The following PPFIA2 variants were observed in gnomAD, a reference collection of about 807,000 sequenced individuals.
PPFIA2 encodes liprin-alpha-2.
Under a neutral mutation model 175.5 loss-of-function variants are expected in PPFIA2, and 46 were observed. The ratio of observed to expected loss-of-function variants is 0.26; its 90% CI spans 0.21 to 0.34. PPFIA2 has a LOEUF of 0.34. Ranked by LOEUF, PPFIA2 falls within the 10% of genes least tolerant of loss-of-function variation. The probability of loss-of-function intolerance (pLI) is 1.00; values close to 1 mark genes in which losing one functional copy is unlikely to be tolerated. For missense variants in PPFIA2, 1,179 were observed against 1,506.1 expected, an observed-to-expected ratio of 0.78 and a Z score of 3.60; for synonymous variants, 568 against 511.4, an observed-to-expected ratio of 1.11 and a Z score of -1.49.
intron 3 of PPFIA2, among the ~76,000 whole-genome samples, chr12:81,688,586 C>T (rs1254308555): frequency 6.7e-6 from 1 of 150,352 alleles, no homozygotes; most frequent in Non-Finnish European, 1.5e-5. Flanking sequence ...AAATAGTAGC[C>T]TAAAATACTG....
chr12:81,714,134 A>G (rs926820702), intron 3 of PPFIA2, among the ~76,000 whole-genome samples: 4 of 151,196 alleles, frequency 2.6e-5, no homozygotes, highest in Admixed American at 1.4e-4. Flanking sequence ...GTGGTCAGAG[A>G]GAGAGAGGTG....
chr12:81,372,521 A>AC (rs1311292969), intron 11 of PPFIA2, among the ~76,000 whole-genome samples: 1 of 150,698 alleles, frequency 6.6e-6, no homozygotes, highest in Non-Finnish European at 1.5e-5. Flanking sequence ...CAGAAAAAAA[A>AC]AAAAAAAACA....
chr12:81,362,689 T>A lies in PPFIA2; in HGVS notation c.1637+4A>T. On this transcript the variant is annotated splice_donor_region_variant and intron_variant, in intron 15 of 32. Transcript: ENST00000549396. The stretch of plus-strand genomic sequence containing the variant: ...TTATAGATAAGCTTTTAGTTTAATG[T>A]TACCTTGGTATTGTGGGTTCAATTA... 6.5e-7 allele frequency: 1 copy of A among 1,532,046 alleles called. No homozygotes were observed. The highest frequency in any genetic ancestry group is 8.8e-7 in the Non-Finnish European group (1 of 1,130,480). 94.9% of individuals were successfully genotyped at this position (1,532,046 alleles called of 1,614,324 possible). A position where few individuals can be genotyped will look rare whatever the true frequency, so the allele number is the denominator to read the frequency against.
intron 24 of PPFIA2, among the ~76,000 whole-genome samples, chr12:81,285,183 G>T (rs2043023258): frequency 6.6e-6 from 1 of 152,054 alleles, no homozygotes; most frequent in Non-Finnish European, 1.5e-5. Flanking sequence ...ATACAGATCA[G>T]GCATATCATT....
intron 4 of PPFIA2, among the ~76,000 whole-genome samples, chr12:81,636,491 T>C (rs1242882034): frequency 1.3e-5 from 2 of 150,898 alleles, no homozygotes; most frequent in Admixed American, 6.6e-5. Context: ...GGTCTCGATC[T>C]CCTGACCTCG....
At chr12:81,703,422 C>A (rs1449592861) in intron 3 of PPFIA2, among the ~76,000 whole-genome samples, 5 of 152,052 alleles carry the variant, frequency 3.3e-5, no homozygotes, top group African/African-American at 7.2e-5. Context: ...CAAGTCCTAT[C>A]CCTTAAGTAG....
At chr12:81,371,803 TA>T (rs2035178635) in intron 11 of PPFIA2, among the ~76,000 whole-genome samples, 1 of 151,740 alleles carries the variant, frequency 6.6e-6, no homozygotes, top group African/African-American at 2.4e-5. Context: ...GTTAATTGCG[TA>T]TAAACTCGCC....
intron 7 of PPFIA2, chr12:81,431,155 C>T (rs1592866408): frequency 1.3e-5 from 2 of 152,244 alleles, no homozygotes; most frequent in African/African-American, 2.4e-5. Context: ...AATAAGCACG[C>T]CTGTGTATTC....
At chr12:81,614,987 TACATC>T (rs1338103163) in intron 4 of PPFIA2, among the ~76,000 whole-genome samples, 1 of 152,190 alleles carries the variant, frequency 6.6e-6, no homozygotes, top group Non-Finnish European at 1.5e-5. Flanking sequence ...AAATTAAAAT[TACATC>T]TTGGTACTGC....
Position 81,258,162 on chromosome 12 carries a change from A to G in PPFIA2, c.*1532T>C, listed in dbSNP as rs1000900354. The G allele has an allele frequency of 6.6e-6, 1 of 152,136 alleles. No individual in the cohort carries two copies. Among genetic ancestry groups the G allele is most frequent in the African/African-American group, 2.4e-5 (1 of 41,442 alleles). 9.4% of individuals were successfully genotyped at this position (152,136 alleles called of 1,614,324 possible). A position where few individuals can be genotyped will look rare whatever the true frequency, so the allele number is the denominator to read the frequency against. ...AGATCTCCCTCTTGTGGCAGACTCAATTTTGAAGCTAAATATTTGGGTCAC... is the reference window on the plus strand; with the variant it reads ...AGATCTCCCTCTTGTGGCAGACTCAGTTTTGAAGCTAAATATTTGGGTCAC... On this transcript the variant is annotated 3_prime_UTR_variant, in exon 33 of 33. Coordinates refer to ENST00000549396, the MANE Select transcript of PPFIA2 (RefSeq NM_003625.5).
intron 3 of PPFIA2, among the ~76,000 whole-genome samples, chr12:81,698,645 C>T (rs921836821): frequency 6.6e-6 from 1 of 152,002 alleles, no homozygotes; most frequent in African/African-American, 2.4e-5. Context: ...TTGAAGTAAA[C>T]CCTTTGTTGC....
At chr12:81,691,958 C>T (rs1440094661) in intron 3 of PPFIA2, among the ~76,000 whole-genome samples, 1 of 151,768 alleles carries the variant, frequency 6.6e-6, no homozygotes, top group African/African-American at 2.4e-5. Context: ...TTGTGTAATC[C>T]CCCTCTCTTA....
intron 4 of PPFIA2, among the ~76,000 whole-genome samples, chr12:81,544,955 A>G (rs2066761614): frequency 6.6e-6 from 1 of 152,212 alleles, no homozygotes; most frequent in Non-Finnish European, 1.5e-5. Flanking sequence ...AACACCAAAT[A>G]GAATATTATT....
chr12:81,752,265 T>C (rs1317931584), intron 3 of PPFIA2, among the ~76,000 whole-genome samples: 1 of 152,202 alleles, frequency 6.6e-6, no homozygotes, highest in East Asian at 1.9e-4. Context: ...CATTTTCCAC[T>C]TGTTACAGTA....
intron 3 of PPFIA2, among the ~76,000 whole-genome samples, chr12:81,720,704 A>T (rs1209886353): frequency 6.6e-6 from 1 of 151,186 alleles, no homozygotes; most frequent in Non-Finnish European, 1.5e-5. Flanking sequence ...ATGTACAAAC[A>T]CCTTATCAAT....
chr12:81,563,007 C>T (rs1167150332), intron 4 of PPFIA2, among the ~76,000 whole-genome samples: 2 of 151,960 alleles, frequency 1.3e-5, no homozygotes, highest in South Asian at 2.1e-4. Flanking sequence ...CAATAGACAA[C>T]GAACATTGTC....
chr12:81,572,188 C>T (rs2072677160), intron 4 of PPFIA2, among the ~76,000 whole-genome samples: 1 of 151,926 alleles, frequency 6.6e-6, no homozygotes, highest in African/African-American at 2.4e-5. Context: ...CACTCCACTT[C>T]TCCTAATCTC....
chr12:81,413,271 TG>T (rs890517201), intron 7 of PPFIA2, among the ~76,000 whole-genome samples: 6 of 151,566 alleles, frequency 4.0e-5, no homozygotes, highest in East Asian at 1.9e-4. Context: ...GCTACATGAA[TG>T]AAAAAAAAGC....
At chr12:81,467,286 C>T (rs183009834) in intron 4 of PPFIA2, among the ~76,000 whole-genome samples, 40 of 152,234 alleles carry the variant, frequency 2.6e-4, no homozygotes, top group African/African-American at 7.9e-4. Context: ...ATTTACATTA[C>T]GACTACCTAA....
Sources: gnomAD v4.1 joint callset for allele counts (sites outside exome capture counted in the v4.1 genomes callset) on GRCh38, gnomAD v4.1.1 for gene constraint, MANE v1.5 for transcripts, NCBI Gene and HGNC (gene_info 2026-07-23, HGNC 2026-07-21) for gene names.